Variants in ZNF107 observed in about 807,000 individuals in gnomAD.
ZNF107 encodes the protein C2H2 type zinc-finger protein.
In ZNF107, 19 loss-of-function variants were observed where a neutral mutation model predicts 12.3. That is an observed-to-expected ratio of 1.55 (90% CI 1.08 to 2.27). The LOEUF is 2.27. Ranked by LOEUF, ZNF107 falls within the 30% of genes most tolerant of loss-of-function variation. The pLI is 0.00. For synonymous variants in ZNF107, 317 were observed against 330.5 expected, an observed-to-expected ratio of 0.96 and a Z score of 0.44; for missense variants, 958 against 979.9, an observed-to-expected ratio of 0.98 and a Z score of 0.30.
Position 64,706,535 on chromosome 7 carries a change from G to A in ZNF107, c.438G>A (p.Gln146=), listed in dbSNP as rs201233350. 4.0e-5 allele frequency: 65 copies of A among 1,610,078 alleles called. No homozygotes were observed. In the Admixed American group the frequency reaches 5.9e-4, roughly 15 times the overall value. The change falls in exon 4 of 4, where the codon CAG becomes CAA. Residue 146 remains glutamine, a synonymous_variant. Transcript: ENST00000620827. ...CLTATPSKIF[Q]CNKYVKVFDK... is the part of the protein sequence containing the mutation. ...CAGCTACCCCAAGCAAAATATTCCA[G>A]TGTAATAAATATGTGAAAGTCTTTG... is the stretch of plus-strand genomic sequence containing the variant.
chr7:64,706,586 T>A lies in ZNF107; in HGVS notation c.489T>A (p.Tyr163Ter). 1.2e-6 allele frequency: 2 copies of A among 1,611,466 alleles called. No individual in the cohort carries two copies. The highest frequency in any genetic ancestry group is 1.7e-6 in the Non-Finnish European group (2 of 1,179,140). ...VFDKFSNSNR[Y>*]KRRHTGNKHF... ...ATAAATTTTCAAATTCAAATAGATA[T>A]AAGAGAAGACATACAGGAAACAAAC... Residue 163 changes from tyrosine (Y) to a stop codon, truncating the protein, a stop_gained, in exon 4 of 4, where the codon TAT becomes TAA. Coordinates refer to ENST00000620827, the MANE Select transcript of ZNF107 (RefSeq NM_001282359.2). LOFTEE classifies it low-confidence loss of function (END_TRUNC).
intron 3 of ZNF107, among the ~76,000 whole-genome samples, chr7:64,701,909 T>C (rs1790489219): frequency 6.6e-6 from 1 of 152,110 alleles, no homozygotes; most frequent in African/African-American, 2.4e-5. Flanking sequence ...TTCTTCTTAT[T>C]AAGTAGTTTA....
At chr7:64,670,619 T>C (rs1789185184) in intron 1 of ZNF107, among the ~76,000 whole-genome samples, 1 of 152,212 alleles carries the variant, frequency 6.6e-6, no homozygotes, top group African/African-American at 2.4e-5. Context: ...ACCATCTAAG[T>C]CATAATGGGA....
Position 64,670,422 on chromosome 7 carries a change from T to C in ZNF107, c.3+4137T>C, listed in dbSNP as rs186743074. Among the ~76,000 whole-genome samples, 216 of 152,254 alleles carry C rather than the reference T, an allele frequency of 1.4e-3. No individual in the cohort carries two copies. The Middle Eastern group carries it at 0.034, about 24-fold the overall frequency. ...CTTTAGGAGGGACAAAAAATGGGGT[T>C]GTATGTTGGCTCAGACTGAGGGTAC... On this transcript the variant is annotated intron_variant, in intron 1 of 3. Transcript: ENST00000620827.
At position 64,708,556 on chromosome 7, in the gene ZNF107, G is replaced by T; in HGVS notation, c.2459G>T (p.Gly820Val). 6.2e-7 allele frequency: 1 copy of T among 1,606,500 alleles called. No homozygotes were observed. Among genetic ancestry groups the T allele is most frequent in the Non-Finnish European group, 8.5e-7 (1 of 1,177,060 alleles). ...IHTGEKPYKC[G>V]DYGRAFNLSS... Reference sequence around the variant, plus strand: ...ACTGGAGAGAAACCCTACAAATGTGGAGATTATGGCAGAGCTTTCAACCTA... The same window carrying T: ...ACTGGAGAGAAACCCTACAAATGTGTAGATTATGGCAGAGCTTTCAACCTA... The change falls in exon 4 of 4, where the codon GGA becomes GTA. Residue 820 changes from glycine (G) to valine (V), a missense_variant. Gly to Val is a moderately radical substitution (Grantham distance 109). Transcript: ENST00000620827.
chr7:64,687,039 G>A (rs2128961494), intron 1 of ZNF107: 1 of 985,412 alleles, frequency 1.0e-6, no homozygotes, highest in Non-Finnish European at 1.2e-6. Context: ...TGTGTTTTAG[G>A]GGAAGTTTTT....
intron 1 of ZNF107, among the ~76,000 whole-genome samples, chr7:64,675,549 C>G (rs1400485348): frequency 6.6e-6 from 1 of 151,970 alleles, no homozygotes. Context: ...GATTTAACTC[C>G]TAGGTTTCTT....
chr7:64,686,603 T>C (rs915295042), intron 1 of ZNF107: 12 of 985,322 alleles, frequency 1.2e-5, no homozygotes, highest in African/African-American at 3.5e-5. Context: ...CAGCAGGCCA[T>C]TATTGACGGT....
intron 1 of ZNF107, among the ~76,000 whole-genome samples, chr7:64,681,137 G>A (rs532916380): frequency 6.6e-6 from 1 of 152,200 alleles, no homozygotes; most frequent in South Asian, 2.1e-4. Context: ...GATCTCCTCG[G>A]CTTGGCGGCT....
intron 1 of ZNF107, chr7:64,690,329 G>T: frequency 1.0e-6 from 1 of 980,928 alleles, no homozygotes. Flanking sequence ...GGGTTGAGCA[G>T]AGTAATATAT....
chr7:64,696,359 T>A (rs977715456), intron 3 of ZNF107, among the ~76,000 whole-genome samples: 25 of 151,290 alleles, frequency 1.7e-4, no homozygotes, highest in African/African-American at 3.6e-4. Flanking sequence ...ACAGTTTTTT[T>A]AAAAAAATAG....
intron 1 of ZNF107, among the ~76,000 whole-genome samples, chr7:64,670,087 G>A (rs10231819): frequency 0.071 from 10,844 of 152,210 alleles, 576 homozygotes; most frequent in East Asian, 0.27. Flanking sequence ...TGCAGTTAAC[G>A]TTAAGATGGA....
chr7:64,678,676 A>G (rs1562826610), intron 1 of ZNF107, among the ~76,000 whole-genome samples: 1 of 152,208 alleles, frequency 6.6e-6, no homozygotes, highest in Non-Finnish European at 1.5e-5. Context: ...CACTAAAATT[A>G]TTTATACTTA....
chr7:64,702,816 C>T (rs1169554446), intron 3 of ZNF107, among the ~76,000 whole-genome samples: 2 of 152,190 alleles, frequency 1.3e-5, no homozygotes, highest in Non-Finnish European at 2.9e-5. Context: ...GCCTCAGCCT[C>T]CCAGAGTGCT....
intron 3 of ZNF107, 22 bp downstream of exon 3, chr7:64,691,982 T>A: frequency 7.2e-7 from 1 of 1,390,460 alleles, no homozygotes; most frequent in Non-Finnish European, 9.6e-7. Context: ...TGAAAGTGAA[T>A]ACAACAGATG....
At position 64,706,576 on chromosome 7, in the gene ZNF107, CAAAT is replaced by C; in HGVS notation, c.481_484del (p.Asn161AspfsTer27). The C allele has an allele frequency of 6.2e-7, 1 of 1,607,192 alleles. No homozygotes were observed. Among genetic ancestry groups the C allele is most frequent in the Non-Finnish European group, 8.5e-7 (1 of 1,177,920 alleles). The stretch of plus-strand genomic sequence containing the variant: ...AAAGTCTTTGATAAATTTTCAAATT[CAAAT>C]AGATATAAGAGAAGACATACAGGAA... On this transcript the variant is annotated frameshift_variant, in exon 4 of 4. Transcript: ENST00000620827. LOFTEE classifies it low-confidence loss of function (END_TRUNC).
chr7:64,700,506 C>T (rs912505199), intron 3 of ZNF107, among the ~76,000 whole-genome samples: 10 of 66,226 alleles, frequency 1.5e-4, no homozygotes, highest in East Asian at 5.8e-4. Flanking sequence ...CCAAATAAAC[C>T]TTTTTTTTTT....
rs1326088164 is a variant in ZNF107 at position 64,707,844 on chromosome 7, CATAAG to C, written c.1751_1755del (p.Lys584SerfsTer4). Reference sequence around the variant, plus strand: ...TAATCAATCCTATCAACTTACTAGACATAAGATAGTTCATACTAAAGAGAAACTCA... The same window carrying C: ...TAATCAATCCTATCAACTTACTAGACATAGTTCATACTAAAGAGAAACTCA... On this transcript the variant is annotated frameshift_variant, in exon 4 of 4. Transcript: ENST00000620827. LOFTEE classifies it low-confidence loss of function (END_TRUNC). The C allele has an allele frequency of 6.2e-7, 1 of 1,613,142 alleles. No individual in the cohort carries two copies. The highest frequency in any genetic ancestry group is 8.5e-7 in the Non-Finnish European group (1 of 1,179,648).
At chr7:64,695,038 C>T (rs1479906410) in intron 3 of ZNF107, among the ~76,000 whole-genome samples, 1 of 151,760 alleles carries the variant, frequency 6.6e-6, no homozygotes, top group Admixed American at 6.6e-5. Flanking sequence ...ATATTAGAGA[C>T]TCTAACCATA....
Sources: allele counts gnomAD v4.1 joint callset (sites outside exome capture counted in the v4.1 genomes callset), GRCh38; gene constraint gnomAD v4.1.1; transcripts MANE v1.5; gene names NCBI Gene and HGNC (gene_info 2026-07-23, HGNC 2026-07-21).